Variants in CUL5 observed in about 807,000 individuals in gnomAD.
CUL5 encodes the protein cullin-5.
A neutral mutation model predicts 108.8 loss-of-function variants in CUL5; 26 were observed. The observed-to-expected ratio is 0.24, with a 90% CI of 0.18 to 0.33. The LOEUF (loss-of-function observed/expected upper bound fraction) is 0.33, where lower values mean the gene tolerates loss of function less well. Ranked by LOEUF, CUL5 falls within the 10% of genes least tolerant of loss-of-function variation. The pLI is 1.00. For missense variants in CUL5, 524 were observed against 909.2 expected, an observed-to-expected ratio of 0.58 and a Z score of 5.45; for synonymous variants, 334 against 298.0, an observed-to-expected ratio of 1.12 and a Z score of -1.25.
intron 7 of CUL5, among the ~76,000 whole-genome samples, chr11:108,062,549 TATAA>T (rs1278451935): frequency 1.3e-5 from 2 of 148,430 alleles, no homozygotes; most frequent in African/African-American, 4.9e-5. Context: ...TATATAAAAT[TATAA>T]ATAATTAAAT....
At chr11:108,023,750 A>C (rs767074602) in intron 1 of CUL5, among the ~76,000 whole-genome samples, 57 of 152,314 alleles carry the variant, frequency 3.7e-4, no homozygotes, top group South Asian at 1.7e-3. Flanking sequence ...CAGTTTTATT[A>C]TTCTTGCTTT....
intron 3 of CUL5, among the ~76,000 whole-genome samples, chr11:108,048,457 T>C (rs1863120648): frequency 6.6e-6 from 1 of 152,120 alleles, no homozygotes; most frequent in Admixed American, 6.5e-5. Context: ...TGGTTTTTGA[T>C]GTGGCTTTCT....
intron 18 of CUL5, among the ~76,000 whole-genome samples, chr11:108,100,506 T>C (rs895136236): frequency 9.9e-5 from 15 of 152,100 alleles, no homozygotes; most frequent in Admixed American, 9.2e-4. Flanking sequence ...ATTGCGCCAC[T>C]GCACTCCAGC....
At chr11:108,024,563 C>G (rs1862411543) in intron 1 of CUL5, among the ~76,000 whole-genome samples, 1 of 152,154 alleles carries the variant, frequency 6.6e-6, no homozygotes, top group Non-Finnish European at 1.5e-5. Context: ...GTAAAATAAT[C>G]ACAGTGATTC....
At chr11:108,010,023 G>A (rs776780851) in intron 1 of CUL5, among the ~76,000 whole-genome samples, 2 of 152,250 alleles carry the variant, frequency 1.3e-5, no homozygotes, top group African/African-American at 4.8e-5. Flanking sequence ...GTTTTAGGGC[G>A]CAGGAAAGTT....
chr11:108,056,602 C>T (rs1863385786), intron 7 of CUL5, among the ~76,000 whole-genome samples: 1 of 152,072 alleles, frequency 6.6e-6, no homozygotes, highest in African/African-American at 2.4e-5. Flanking sequence ...GGGCTACATT[C>T]AGAAGGCCGG....
chr11:108,102,177 A>T (rs908621318), intron 18 of CUL5, among the ~76,000 whole-genome samples: 1 of 152,020 alleles, frequency 6.6e-6, no homozygotes, highest in African/African-American at 2.4e-5. Flanking sequence ...GCTCGCCACC[A>T]CACTGAGCTA....
At chr11:108,042,086 A>G (rs1862933378) in intron 2 of CUL5, among the ~76,000 whole-genome samples, 1 of 152,160 alleles carries the variant, frequency 6.6e-6, no homozygotes, top group South Asian at 2.1e-4. Context: ...ACTGTGATTG[A>G]ATATAAGGGA....
At chr11:108,099,294 C>T (rs1864583603) in intron 18 of CUL5, among the ~76,000 whole-genome samples, 1 of 152,066 alleles carries the variant, frequency 6.6e-6, no homozygotes, top group Non-Finnish European at 1.5e-5. Context: ...TGTGAGCTAC[C>T]ATGCCCAGCC....
At chr11:108,052,597 G>T in intron 4 of CUL5, 63 bp from the exon 5 acceptor site, 1 of 1,451,488 alleles carries the variant, frequency 6.9e-7, no homozygotes, top group Non-Finnish European at 9.5e-7. Flanking sequence ...TTTGGTGTTT[G>T]TACATGATAC....
In CUL5 at chr11:108,062,236, C is replaced by T. The variant is rs555258190; in HGVS notation, c.780+7281C>T. On this transcript the variant is annotated intron_variant, in intron 7 of 18. Transcript: ENST00000393094. The stretch of plus-strand genomic sequence containing the variant: ...TTAAATACCTCTATCTTTTTAACAT[C>T]CTTGTGTATACATCTTTTCTCACAC... 1.1e-4 allele frequency among the ~76,000 whole-genome samples: 17 copies of T among 152,146 alleles called. No individual in the cohort carries two copies. In the South Asian group the frequency reaches 3.1e-3, roughly 28 times the overall value.
chr11:108,024,444 T>C (rs961556155), intron 1 of CUL5, among the ~76,000 whole-genome samples: 10 of 151,866 alleles, frequency 6.6e-5, no homozygotes, highest in Non-Finnish European at 1.3e-4. Context: ...ATAATAATAA[T>C]AAAGGAATAA....
In CUL5 at chr11:108,097,739, A is replaced by G. The variant is rs772823708; in HGVS notation, c.2009A>G (p.Gln670Arg). The G allele has an allele frequency of 6.3e-7, 1 of 1,592,448 alleles. No homozygotes were observed. The highest frequency in any genetic ancestry group is 8.6e-7 in the Non-Finnish European group (1 of 1,160,864). ...GAAGGTACCCTCTTCTCAGTGAACC[A>G]GGAGTTCAGTTTAATGTAAGCTCGT... ...FTEGTLFSVN[Q>R]EFSLIKNAKV... The change falls in exon 17 of 19, where the codon CAG becomes CGG. Residue 670 changes from glutamine to arginine, a missense_variant. Gln to Arg is a conservative substitution (Grantham distance 43, BLOSUM62 1). Around this residue, in one of 8 missense-constraint regions of CUL5, gnomAD observed 66 missense variants for 81.4 expected, o/e 0.81. Coordinates refer to ENST00000393094, the MANE Select transcript of CUL5 (RefSeq NM_003478.6).
rs146877430 is a variant in CUL5, at chr11:108,054,611, C to A, written c.554-36C>A. ...TTATACTCAAAATACTGATTTTGAT[C>A]ATAATTGGAGTAATACTTTATTTTC... On this transcript the variant is annotated intron_variant, in intron 5 of 18. Coordinates refer to ENST00000393094, the MANE Select transcript of CUL5 (RefSeq NM_003478.6). The A allele has an allele frequency of 4.3e-3, 5,941 of 1,377,110 alleles. 26 individuals are homozygous for A. Among genetic ancestry groups the A allele is most frequent in the Non-Finnish European group, 5.4e-3 (5,381 of 997,444 alleles). 85.3% of individuals were successfully genotyped at this position (1,377,110 alleles called of 1,614,324 possible). A position where few individuals can be genotyped will look rare whatever the true frequency, so the allele number is the denominator to read the frequency against.
At chr11:108,035,782 T>C (rs1862724974) in intron 2 of CUL5, among the ~76,000 whole-genome samples, 1 of 151,694 alleles carries the variant, frequency 6.6e-6, no homozygotes, top group Non-Finnish European at 1.5e-5. Flanking sequence ...GGCAAAGTCC[T>C]GTTTATTGAG....
chr11:108,095,469 T>C, intron 15 of CUL5, 61 bp from the exon 16 acceptor site: 2 of 1,135,190 alleles, frequency 1.8e-6, no homozygotes, highest in Admixed American at 2.5e-5. Flanking sequence ...ATTCATGTCA[T>C]AGATATTAAG....
At chr11:108,098,322 A>G (rs1864550205) in intron 17 of CUL5, 84 bp from the exon 18 acceptor site, 1 of 1,228,682 alleles carries the variant, frequency 8.1e-7, no homozygotes, top group Non-Finnish European at 1.1e-6. Flanking sequence ...ATATTTTTAA[A>G]TCTTTTCTCT....
intron 3 of CUL5, among the ~76,000 whole-genome samples, chr11:108,046,726 T>G (rs191841127): frequency 6.6e-6 from 1 of 152,282 alleles, no homozygotes; most frequent in Admixed American, 6.5e-5. Flanking sequence ...TGACAGTAAT[T>G]TCTTCAATTC....
intron 8 of CUL5, among the ~76,000 whole-genome samples, chr11:108,071,289 C>G (rs1196126861): frequency 6.6e-6 from 1 of 152,138 alleles, no homozygotes; most frequent in African/African-American, 2.4e-5. Flanking sequence ...GAGACTGGGT[C>G]TCGCTGTGTT....
Sources: allele counts gnomAD v4.1 joint callset (sites outside exome capture counted in the v4.1 genomes callset), GRCh38; gene constraint gnomAD v4.1.1; regional missense constraint gnomAD v4.1.1; transcripts MANE v1.5; gene names NCBI Gene and HGNC (gene_info 2026-07-23, HGNC 2026-07-21).